NAMPT: variants seen among roughly 807,000 people sequenced by gnomAD.
NAMPT encodes nicotinamide phosphoribosyltransferase.
NAMPT carries 7 observed loss-of-function variants against 58.7 expected under a neutral mutation model. The observed-to-expected ratio is 0.12, with a 90% CI of 0.07 to 0.22. The LOEUF (loss-of-function observed/expected upper bound fraction) is 0.22. Ranked by LOEUF, NAMPT falls within the 10% of genes least tolerant of loss-of-function variation. NAMPT has a pLI of 1.00. For synonymous variants in NAMPT, 145 were observed against 198.1 expected, an observed-to-expected ratio of 0.73 and a Z score of 2.25; for missense variants, 271 against 567.9, an observed-to-expected ratio of 0.48 and a Z score of 5.31.
chr7:106,262,057 A>C (rs1792313198), intron 7 of NAMPT, among the ~76,000 whole-genome samples: 1 of 152,112 alleles, frequency 6.6e-6, no homozygotes. Context: ...ATTATTTAAC[A>C]AACTCATGAT....
chr7:106,264,736 C>G (rs144831008), intron 6 of NAMPT, among the ~76,000 whole-genome samples: 1 of 151,948 alleles, frequency 6.6e-6, no homozygotes, highest in Admixed American at 6.6e-5. Flanking sequence ...TTTTCTAGTC[C>G]GCCTCTAATC....
intron 8 of NAMPT, among the ~76,000 whole-genome samples, chr7:106,254,771 G>C (rs888835428): frequency 6.6e-6 from 1 of 152,134 alleles, no homozygotes; most frequent in African/African-American, 2.4e-5. Flanking sequence ...TGAAGGAAAT[G>C]AGAGAAAGTG....
At chr7:106,277,238 C>T (rs766380325) in intron 1 of NAMPT, 59 bp from the exon 2 acceptor site, 136 of 1,386,102 alleles carry the variant, frequency 9.8e-5, no homozygotes, top group Non-Finnish European at 1.2e-4. Context: ...TAAATCACAA[C>T]AGAAAAGGCT....
chr7:106,257,048 C>T (rs539621893), intron 8 of NAMPT, among the ~76,000 whole-genome samples: 14 of 151,906 alleles, frequency 9.2e-5, no homozygotes, highest in African/African-American at 2.9e-4. Context: ...TGGTGGCACA[C>T]GCCCGTAATC....
chr7:106,257,307 G>A (rs988086832), intron 8 of NAMPT, among the ~76,000 whole-genome samples: 1 of 151,836 alleles, frequency 6.6e-6, no homozygotes, highest in East Asian at 1.9e-4. Flanking sequence ...GTTTTGGGCT[G>A]ATTCTCAACT....
At chr7:106,273,522 G>A (rs1211693161) in intron 3 of NAMPT, among the ~76,000 whole-genome samples, 3 of 152,136 alleles carry the variant, frequency 2.0e-5, no homozygotes, top group African/African-American at 4.8e-5. Flanking sequence ...CAAAAGCAGC[G>A]GGGAGACCCT....
rs780588782 is a variant in NAMPT, at chr7:106,249,506, C to T, written c.*1577G>A. ...AAAAGAAGACAAAAGAGGAAAATTC[C>T]GTATCAATTATTTAGCCTCCTCCCT... On this transcript the variant is annotated 3_prime_UTR_variant, in exon 11 of 11. Coordinates refer to ENST00000222553, the MANE Select transcript of NAMPT (RefSeq NM_005746.3). 1 of 152,240 alleles carries T rather than the reference C, an allele frequency of 6.6e-6. No homozygotes were observed. Among genetic ancestry groups the T allele is most frequent in the South Asian group, 2.1e-4 (1 of 4,824 alleles). The allele number at this position is 152,240 out of a possible 1,614,324, so 9.4% of individuals were successfully genotyped here. A position where few individuals can be genotyped will look rare whatever the true frequency, so the allele number is the denominator to read the frequency against.
chr7:106,275,491 TTTAA>T (rs1792617598), intron 2 of NAMPT: 1 of 153,188 alleles, frequency 6.5e-6, no homozygotes, highest in South Asian at 1.9e-4. Context: ...ACAACACACT[TTTAA>T]TTAACTTTTC....
At chr7:106,285,272 A>C (rs1013088512), upstream of NAMPT, 2 of 770,536 alleles carry the variant, frequency 2.6e-6, no homozygotes, top group Admixed American at 5.8e-5. Context: ...AGCTCTGGGA[A>C]GCTGGAGGCA....
chr7:106,285,002 G>A (rs902273750), upstream of NAMPT: 5 of 1,458,066 alleles, frequency 3.4e-6, no homozygotes, highest in Non-Finnish European at 4.6e-6. Flanking sequence ...GGCGGAGGAG[G>A]GGGAGAGGGG....
At chr7:106,273,443 T>C (rs1412383091) in intron 3 of NAMPT, among the ~76,000 whole-genome samples, 1 of 152,170 alleles carries the variant, frequency 6.6e-6, no homozygotes, top group Non-Finnish European at 1.5e-5. Context: ...GAAAAATCTG[T>C]TTAATACAAG....
intron 6 of NAMPT, among the ~76,000 whole-genome samples, chr7:106,266,457 C>T (rs1246592383): frequency 6.6e-6 from 1 of 152,144 alleles, no homozygotes; most frequent in African/African-American, 2.4e-5. Flanking sequence ...AAAAATAACT[C>T]TTAAAACTTT....
chr7:106,282,435 G>C (rs1007065521), intron 1 of NAMPT, among the ~76,000 whole-genome samples: 4 of 152,140 alleles, frequency 2.6e-5, no homozygotes, highest in African/African-American at 9.7e-5. Context: ...ATGACCCTTT[G>C]AGAAGCAACC....
At chr7:106,278,205 C>T (rs1586027197) in intron 1 of NAMPT, among the ~76,000 whole-genome samples, 2 of 151,646 alleles carry the variant, frequency 1.3e-5, no homozygotes, top group African/African-American at 4.9e-5. Context: ...CTCAGTAAAA[C>T]TTGGCTCTAT....
At chr7:106,285,427 C>A (rs1441843975), upstream of NAMPT, 1 of 612,972 alleles carries the variant, frequency 1.6e-6, no homozygotes, top group Non-Finnish European at 2.0e-6. Flanking sequence ...TGGGACCTTC[C>A]GTCCTACCCA....
At chr7:106,256,942 G>A (rs1447581903) in intron 8 of NAMPT, among the ~76,000 whole-genome samples, 2 of 151,886 alleles carry the variant, frequency 1.3e-5, no homozygotes, top group African/African-American at 4.8e-5. Context: ...TTGGGAGGCC[G>A]AGGCAGGCAG....
intron 1 of NAMPT, among the ~76,000 whole-genome samples, chr7:106,280,311 G>A (rs1792737126): frequency 6.6e-6 from 1 of 152,160 alleles, no homozygotes; most frequent in Non-Finnish European, 1.5e-5. Context: ...TTGAGCAACT[G>A]CATTAATAAG....
chr7:106,257,715 TGAAAG>T (rs774994241), intron 8 of NAMPT, among the ~76,000 whole-genome samples: 3 of 152,154 alleles, frequency 2.0e-5, no homozygotes, highest in Non-Finnish European at 2.9e-5. Context: ...CTTTGATTTT[TGAAAG>T]GAAAGTTTTG....
At chr7:106,278,081 T>C (rs1255203962) in intron 1 of NAMPT, among the ~76,000 whole-genome samples, 1 of 152,160 alleles carries the variant, frequency 6.6e-6, no homozygotes, top group Non-Finnish European at 1.5e-5. Context: ...GCGGAATAAA[T>C]CTTTGCAGAC....
Sources: allele counts gnomAD v4.1 joint callset (sites outside exome capture counted in the v4.1 genomes callset), GRCh38; gene constraint gnomAD v4.1.1; transcripts MANE v1.5; gene names NCBI Gene and HGNC (gene_info 2026-07-23, HGNC 2026-07-21).